DIS3L2: variants seen among roughly 807,000 people sequenced by gnomAD.
DIS3L2 encodes DIS3 like 3'-5' exoribonuclease 2, also known as DIS3-like exonuclease 2.
DIS3L2 carries 34 observed loss-of-function variants against 97.5 expected under a neutral mutation model. That is an observed-to-expected ratio of 0.35 (90% CI 0.27 to 0.46). The LOEUF (loss-of-function observed/expected upper bound fraction) is 0.46, where lower values mean the gene tolerates loss of function less well. Among genes scored for constraint, DIS3L2 ranks in the 20% least tolerant of loss-of-function variants. The pLI, the probability that DIS3L2 is intolerant of heterozygous loss-of-function variation, is 1.00. For synonymous variants in DIS3L2, 435 were observed against 445.2 expected (o/e 0.98, Z 0.29); for missense variants, 1,038 against 1,146.0 (o/e 0.91, Z 1.36).
chr2:232,162,932 G>A (rs1190030073), intron 8 of DIS3L2, among the ~76,000 whole-genome samples: 1 of 152,010 alleles, frequency 6.6e-6, no homozygotes, highest in Non-Finnish European at 1.5e-5. Flanking sequence ...ACTGGTTTAT[G>A]GATAATTTTA....
intron 14 of DIS3L2, chr2:232,307,485 G>A (rs1037860839): frequency 1.3e-5 from 2 of 151,670 alleles, no homozygotes; most frequent in African/African-American, 4.9e-5. Context: ...AAATATAGTG[G>A]TAATTACAGT....
chr2:231,986,420 C>T (rs1436181276), intron 1 of DIS3L2, among the ~76,000 whole-genome samples: 1 of 152,226 alleles, frequency 6.6e-6, no homozygotes, highest in East Asian at 1.9e-4. Flanking sequence ...GATCTATCAT[C>T]TATAACAATT....
chr2:232,277,642 C>T (rs1322122409), intron 13 of DIS3L2, among the ~76,000 whole-genome samples: 16 of 152,166 alleles, frequency 1.1e-4, no homozygotes, highest in South Asian at 2.1e-4. Context: ...TATCCTAAGG[C>T]GTGTACGTGT....
chr2:232,193,462 G>A (rs1691669332), intron 9 of DIS3L2, among the ~76,000 whole-genome samples: 1 of 152,166 alleles, frequency 6.6e-6, no homozygotes, highest in Non-Finnish European at 1.5e-5. Flanking sequence ...TTAGCACAGG[G>A]TCTAGCATAC....
intron 9 of DIS3L2, among the ~76,000 whole-genome samples, chr2:232,176,112 A>G (rs1320112762): frequency 1.3e-5 from 2 of 152,114 alleles, no homozygotes; most frequent in African/African-American, 2.4e-5. Context: ...GCTAGTCTTG[A>G]ACTCCTGACC....
At chr2:232,086,854 A>T (rs917941816) in intron 5 of DIS3L2, among the ~76,000 whole-genome samples, 1 of 150,268 alleles carries the variant, frequency 6.7e-6, no homozygotes, top group Non-Finnish European at 1.5e-5. Flanking sequence ...TAATTTTTTT[A>T]TATTTTTAGT....
At chr2:232,020,250 A>G (rs1694475227) in intron 3 of DIS3L2, among the ~76,000 whole-genome samples, 1 of 152,192 alleles carries the variant, frequency 6.6e-6, no homozygotes, top group African/African-American at 2.4e-5. Flanking sequence ...GAAGAAAATA[A>G]TCTGTTTCAT....
downstream of DIS3L2, among the ~76,000 whole-genome samples, chr2:232,342,096 CTG>C (rs59097449): frequency 0.076 from 11,293 of 149,186 alleles, 869 homozygotes; most frequent in East Asian, 0.4. Context: ...CATCAGTAGG[CTG>C]TGTGTGTGTG....
At chr2:232,314,183 A>G (rs1385766708) in intron 14 of DIS3L2, among the ~76,000 whole-genome samples, 3 of 152,192 alleles carry the variant, frequency 2.0e-5, no homozygotes, top group Non-Finnish European at 4.4e-5. Flanking sequence ...CACTGGGCCC[A>G]GTATAGGGCA....
At chr2:232,217,741 A>T (rs1692381123) in intron 10 of DIS3L2, among the ~76,000 whole-genome samples, 1 of 152,206 alleles carries the variant, frequency 6.6e-6, no homozygotes, top group African/African-American at 2.4e-5. Context: ...GGGGGAAGGG[A>T]TGTGGAGCTT....
At chr2:232,341,964 TAC>T (rs1696110325), downstream of DIS3L2, among the ~76,000 whole-genome samples, 1 of 152,186 alleles carries the variant, frequency 6.6e-6, no homozygotes, top group African/African-American at 2.4e-5. Context: ...GAGGCCTCAG[TAC>T]ACACAGGCAG....
At position 232,278,407 on chromosome 2, in the gene DIS3L2, A is replaced by G. The variant is rs1241154941; in HGVS notation, c.1659+14967A>G. On this transcript the variant is annotated intron_variant, in intron 13 of 20. Transcript: ENST00000325385. ...GTATAGTCATGTAATTGCCACCACA[A>G]TCAAGATACAGAACAATTCCATCAC... Among the ~76,000 whole-genome samples, 4 of 152,140 alleles carry G rather than the reference A, an allele frequency of 2.6e-5. No homozygotes were observed. The South Asian group carries it at 8.3e-4, about 32-fold the overall frequency.
intron 5 of DIS3L2, among the ~76,000 whole-genome samples, chr2:232,034,309 G>T (rs185188607): frequency 1.3e-3 from 202 of 152,178 alleles, no homozygotes; most frequent in African/African-American, 4.8e-3. Flanking sequence ...GATCAGTGGT[G>T]ATCTCCCCTT....
At chr2:232,019,272 C>A (rs1018343988) in intron 3 of DIS3L2, among the ~76,000 whole-genome samples, 40 of 152,120 alleles carry the variant, frequency 2.6e-4, no homozygotes, top group Non-Finnish European at 4.7e-4. Flanking sequence ...TGAAATCAAG[C>A]AGGGTGTGGT....
chr2:232,113,177 A>G (rs891273427), intron 6 of DIS3L2, among the ~76,000 whole-genome samples: 1 of 152,184 alleles, frequency 6.6e-6, no homozygotes, highest in African/African-American at 2.4e-5. Context: ...GCTGGAGACA[A>G]AAATTATGCT....
intron 10 of DIS3L2, among the ~76,000 whole-genome samples, chr2:232,233,163 G>T (rs1324002746): frequency 6.6e-6 from 1 of 152,202 alleles, no homozygotes; most frequent in Admixed American, 6.5e-5. Context: ...CATCACATGT[G>T]CCTTAGTCCA....
chr2:232,135,552 T>TA (rs1698332257), intron 7 of DIS3L2, among the ~76,000 whole-genome samples: 1 of 152,060 alleles, frequency 6.6e-6, no homozygotes, highest in Non-Finnish European at 1.5e-5. Context: ...AAGGAAGAGT[T>TA]AAGAGGAAGA....
chr2:232,091,749 A>G (rs1198610830), intron 6 of DIS3L2, among the ~76,000 whole-genome samples: 2 of 152,162 alleles, frequency 1.3e-5, no homozygotes, highest in African/African-American at 4.8e-5. Context: ...TGATTATACT[A>G]ATTTACATTC....
chr2:232,322,734 G>A (rs2106340842), intron 14 of DIS3L2, among the ~76,000 whole-genome samples: 1 of 152,358 alleles, frequency 6.6e-6, no homozygotes, highest in African/African-American at 2.4e-5. Context: ...TTGGTAACGT[G>A]TGGGTGTAAG....
Sources: gnomAD v4.1 joint callset for allele counts (sites outside exome capture counted in the v4.1 genomes callset) on GRCh38, gnomAD v4.1.1 for gene constraint, MANE v1.5 for transcripts, NCBI Gene and HGNC (gene_info 2026-07-23, HGNC 2026-07-21) for gene names.